Variants in STAT3 observed in about 807,000 individuals in gnomAD.
STAT3 encodes the protein signal transducer and activator of transcription 3, also known as DNA-binding protein APRF.
Under a neutral mutation model 114.3 loss-of-function variants are expected in STAT3, and 7 were observed. That is an observed-to-expected ratio of 0.06 (90% CI 0.03 to 0.11). The LOEUF (loss-of-function observed/expected upper bound fraction) is 0.11. STAT3 is among the 10% of genes least tolerant of loss of function. The probability of loss-of-function intolerance (pLI) is 1.00; values close to 1 mark genes in which losing one functional copy is unlikely to be tolerated. For synonymous variants in STAT3, 331 were observed against 354.5 expected (o/e 0.93, Z 0.74); for missense variants, 364 against 960.9 (o/e 0.38, Z 8.21).
rs1277691766 is a variant in STAT3 at position 42,354,212 on chromosome 17, C to T, written c.-23-5673G>A. Among the ~76,000 whole-genome samples the T allele has an allele frequency of 4.1e-5, 6 of 145,834 alleles. No individual in the cohort carries two copies. In the South Asian group the frequency reaches 6.6e-4, roughly 16 times the overall value. On this transcript the variant is annotated intron_variant, in intron 1 of 23. Coordinates refer to ENST00000264657, the MANE Select transcript of STAT3 (RefSeq NM_139276.3). ...TTTTTTGAGATGAAATACTGTCACC[C>T]GGGCTGGTGTGCAGTGGGGCGATCT...
intron 1 of STAT3, among the ~76,000 whole-genome samples, chr17:42,350,105 A>G (rs2082873277): frequency 6.6e-6 from 1 of 152,184 alleles, no homozygotes; most frequent in African/African-American, 2.4e-5. Context: ...TCAGAGCCAA[A>G]GATGAAGGTA....
chr17:42,372,327 G>C (rs2084195221), intron 1 of STAT3, among the ~76,000 whole-genome samples: 1 of 152,090 alleles, frequency 6.6e-6, no homozygotes, highest in African/African-American at 2.4e-5. Context: ...GTGAATGTTT[G>C]ATAAACAACA....
chr17:42,345,552 G>C lies in STAT3; in HGVS notation c.372+7C>G, dbSNP rs753611819. On this transcript the variant is annotated splice_region_variant and intron_variant, in intron 4 of 23. Transcript: ENST00000264657. ...AGACCAGGGATTTGTTTTGTCTCAG[G>C]TCTCACCTGGGCCGCAGTGGCTGCA... The C allele has an allele frequency of 6.3e-7, 1 of 1,597,526 alleles. No homozygotes were observed. The highest frequency in any genetic ancestry group is 1.1e-5 in the South Asian group (1 of 88,980).
At chr17:42,325,650 T>C (rs1403848577) in intron 15 of STAT3, among the ~76,000 whole-genome samples, 1 of 151,918 alleles carries the variant, frequency 6.6e-6, no homozygotes, top group Non-Finnish European at 1.5e-5. Flanking sequence ...CTGCAACCTC[T>C]GCCTCCCAGG....
chr17:42,332,504 C>T (rs1249286383), intron 10 of STAT3, among the ~76,000 whole-genome samples: 3 of 133,880 alleles, frequency 2.2e-5, no homozygotes, highest in East Asian at 2.3e-4. Flanking sequence ...CACCTCAGCA[C>T]TCTAGCCTGG....
chr17:42,326,383 C>T (rs1388487314), intron 14 of STAT3, among the ~76,000 whole-genome samples, 184 bp from the exon 15 acceptor site: 1 of 152,062 alleles, frequency 6.6e-6, no homozygotes, highest in Non-Finnish European at 1.5e-5. Flanking sequence ...TGGTGCACAC[C>T]TATAGCCCCA....
intron 1 of STAT3, among the ~76,000 whole-genome samples, chr17:42,370,511 G>T (rs1015937690): frequency 2.0e-5 from 3 of 150,976 alleles, no homozygotes; most frequent in Admixed American, 6.6e-5. Flanking sequence ...TGATCTGCCC[G>T]CCTCGGCCTC....
chr17:42,357,548 T>G (rs994133847), intron 1 of STAT3, among the ~76,000 whole-genome samples: 5 of 152,124 alleles, frequency 3.3e-5, no homozygotes, highest in Admixed American at 3.3e-4. Context: ...GAAATACACC[T>G]GTAATCCCAG....
intron 1 of STAT3, among the ~76,000 whole-genome samples, chr17:42,367,193 C>T (rs374743392): frequency 2.6e-5 from 4 of 151,320 alleles, no homozygotes; most frequent in African/African-American, 4.9e-5. Context: ...AACAGAAATT[C>T]GCCGGCATGG....
At chr17:42,370,632 G>GTT (rs917961606) in intron 1 of STAT3, among the ~76,000 whole-genome samples, 4 of 141,488 alleles carry the variant, frequency 2.8e-5, no homozygotes, top group Non-Finnish European at 6.2e-5. Flanking sequence ...TTCTTTTTTT[G>GTT]TTTTTTTTTT....
chr17:42,333,110 T>C lies in STAT3; in HGVS notation c.1049+563A>G, dbSNP rs1303655140. 6.6e-6 allele frequency among the ~76,000 whole-genome samples: 1 copy of C among 152,190 alleles called. No homozygotes were observed. Among genetic ancestry groups the C allele is most frequent in the Non-Finnish European group, 1.5e-5 (1 of 68,034 alleles). On this transcript the variant is annotated intron_variant, in intron 10 of 23. Coordinates refer to ENST00000264657, the MANE Select transcript of STAT3 (RefSeq NM_139276.3). The surrounding 1 kb of genome is among the most constrained non-coding windows in gnomAD (Gnocchi z 5.2). ...ATTCACAAAAGGATAATCAAAGCCA[T>C]ATAATGAAAAATATTACAGGAACAC...
Position 42,324,639 on chromosome 17 carries a change from A to G in STAT3, c.1600+72T>C. ...CCTAATGCTCAGTAGACATGGCCCA[A>G]ATGAACAGCCCTATGGGCCGGATCC... is the stretch of plus-strand genomic sequence containing the variant. On this transcript the variant is annotated intron_variant, in intron 17 of 23. Transcript: ENST00000264657. This position sits in a 1 kb window ranked among gnomAD's most constrained non-coding sequence, Gnocchi z 4.5. The G allele has an allele frequency of 2.8e-5, 43 of 1,519,122 alleles. No individual in the cohort carries two copies. Among genetic ancestry groups the G allele is most frequent in the Non-Finnish European group, 3.8e-5 (43 of 1,132,822 alleles). The allele number at this position is 1,519,122 out of a possible 1,614,324, so 94.1% of individuals were successfully genotyped here.
intron 1 of STAT3, among the ~76,000 whole-genome samples, chr17:42,364,678 TCA>T (rs2083684477): frequency 2.6e-5 from 4 of 152,296 alleles, no homozygotes; most frequent in African/African-American, 9.6e-5. Context: ...AGATGGAGTT[TCA>T]CCATTTTGGC....
intron 14 of STAT3, among the ~76,000 whole-genome samples, chr17:42,328,222 T>A (rs1250679404): frequency 6.6e-6 from 1 of 152,102 alleles, no homozygotes; most frequent in Non-Finnish European, 1.5e-5. Context: ...TTTCTTAATA[T>A]ACATATGAAT....
intron 1 of STAT3, among the ~76,000 whole-genome samples, chr17:42,363,392 C>A (rs2083614012): frequency 6.6e-6 from 1 of 152,152 alleles, no homozygotes. Context: ...ATCTCAGGCT[C>A]TGTAACTACT....
intron 1 of STAT3, among the ~76,000 whole-genome samples, chr17:42,377,568 T>G (rs755121897): frequency 1.3e-5 from 2 of 152,136 alleles, no homozygotes; most frequent in Non-Finnish European, 2.9e-5. Flanking sequence ...TCAGGAGAGA[T>G]AAATAGTAGG....
intron 1 of STAT3, among the ~76,000 whole-genome samples, chr17:42,353,661 C>CT (rs1422124708): frequency 6.6e-6 from 1 of 152,146 alleles, no homozygotes; most frequent in African/African-American, 2.4e-5. Flanking sequence ...TAACCTCCAA[C>CT]TCCTGGGCTC....
chr17:42,356,979 C>T (rs113201308), intron 1 of STAT3, among the ~76,000 whole-genome samples: 2,170 of 151,940 alleles, frequency 0.014, 17 homozygotes, highest in Middle Eastern at 0.027. Context: ...GTAGAGACGG[C>T]GCTTCACCAT....
chr17:42,320,926 T>C (rs1346801437), intron 21 of STAT3, among the ~76,000 whole-genome samples: 1 of 145,604 alleles, frequency 6.9e-6, no homozygotes, highest in Non-Finnish European at 1.5e-5. Context: ...CAGTTTTGTT[T>C]CGTTTTTTTC....
Sources: gnomAD v4.1 joint callset for allele counts (sites outside exome capture counted in the v4.1 genomes callset) on GRCh38, gnomAD v4.1.1 for gene constraint, Gnocchi (gnomAD v3.1) non-coding constraint, MANE v1.5 for transcripts, NCBI Gene and HGNC (gene_info 2026-07-23, HGNC 2026-07-21) for gene names.